The following WDR88 variants were observed in gnomAD, a reference collection of about 807,000 sequenced individuals.
The protein encoded by WDR88 is WD repeat-containing protein 88.
In WDR88, 40 loss-of-function variants were observed where a neutral mutation model predicts 46.8. The ratio of observed to expected loss-of-function variants is 0.86; its 90% confidence interval spans 0.66 to 1.11. The LOEUF (loss-of-function observed/expected upper bound fraction) is 1.11, where lower values mean the gene tolerates loss of function less well. Ranked by LOEUF, WDR88 falls within the 50% of genes most tolerant of loss-of-function variation. The pLI, the probability that WDR88 is intolerant of heterozygous loss-of-function variation, is 0.00. For synonymous variants in WDR88, 235 were observed against 240.7 expected (o/e 0.98, Z 0.22); for missense variants, 562 against 602.4 (o/e 0.93, Z 0.70).
intron 1 of WDR88, among the ~76,000 whole-genome samples, chr19:33,136,570 T>C (rs1417714174): frequency 6.6e-6 from 1 of 152,042 alleles, no homozygotes; most frequent in African/African-American, 2.4e-5. Flanking sequence ...ACTATTTTTA[T>C]TTTTTCTTTT....
Position 33,132,593 on chromosome 19 carries a change from C to G in WDR88, c.276+148C>G, listed in dbSNP as rs150979440. The G allele has an allele frequency of 1.3e-3, 1,729 of 1,290,752 alleles. 21 individuals are homozygous for G. The African/African-American group carries it at 0.022, about 16-fold the overall frequency. The allele number at this position is 1,290,752 out of a possible 1,614,324, so 80.0% of individuals were successfully genotyped here. A position where few individuals can be genotyped will look rare whatever the true frequency, so the allele number is the denominator to read the frequency against. On this transcript the variant is annotated intron_variant, in intron 1 of 10. Coordinates refer to ENST00000355868, the MANE Select transcript of WDR88 (RefSeq NM_173479.4). ...TAGGCCCATTTCCCCATCTGTGGTACATCTGTGGGCAAAGGTCAGACCCAC... is the reference window on the plus strand; with the variant it reads ...TAGGCCCATTTCCCCATCTGTGGTAGATCTGTGGGCAAAGGTCAGACCCAC...
At chr19:33,134,840 ACCC>A in intron 1 of WDR88, among the ~76,000 whole-genome samples, 1 of 62,438 alleles carries the variant, frequency 1.6e-5, no homozygotes, top group South Asian at 5.0e-4. Context: ...CGTCCCCGAC[ACCC>A]CCCCCCCCGC....
At chr19:33,157,639 ATGTG>A (rs530978497) in intron 7 of WDR88, among the ~76,000 whole-genome samples, 6,661 of 139,172 alleles carry the variant, frequency 0.048, 315 homozygotes, top group Middle Eastern at 0.085. Flanking sequence ...ATGTGTATAT[ATGTG>A]TGTGTGTATG....
intron 9 of WDR88, 73 bp downstream of exon 9, chr19:33,164,338 T>C: frequency 8.3e-6 from 12 of 1,450,984 alleles, no homozygotes; most frequent in Middle Eastern, 3.5e-4. Context: ...TATTGCCAAG[T>C]ATAAAATTCC....
At chr19:33,137,126 T>C (rs1313139752) in intron 1 of WDR88, among the ~76,000 whole-genome samples, 2 of 147,918 alleles carry the variant, frequency 1.4e-5, no homozygotes, top group African/African-American at 2.5e-5. Flanking sequence ...TTTTTTTTTT[T>C]CCAATTTTGT....
chr19:33,141,232 T>TTTG (rs1307560637), intron 2 of WDR88, among the ~76,000 whole-genome samples: 3 of 132,804 alleles, frequency 2.3e-5, no homozygotes, highest in African/African-American at 9.4e-5. Context: ...AGCATGTTTT[T>TTTG]TTTTTTTTCT....
Position 33,132,282 on chromosome 19 carries a change from T to C in WDR88, c.113T>C (p.Met38Thr). The C allele has an allele frequency of 6.2e-7, 1 of 1,613,660 alleles. No homozygotes were observed. The highest frequency in any genetic ancestry group is 8.5e-7 in the Non-Finnish European group (1 of 1,179,998). The change falls in exon 1 of 11, where the codon ATG (methionine) becomes ACG (threonine). Residue 38 changes from methionine (M) to threonine (T), a missense_variant. Transcript: ENST00000355868. The part of the protein sequence containing the change: ...YCPGKLSWGT[M>T]ARALGRFKLS... ...CCCGGCAAGCTGTCCTGGGGGACCA[T>C]GGCGAGGGCCTTAGGCCGCTTCAAG... is the stretch of plus-strand genomic sequence containing the variant.
intron 10 of WDR88, 146 bp downstream of exon 10, chr19:33,172,586 C>T (rs1054012622): frequency 4.4e-5 from 28 of 641,262 alleles, no homozygotes; most frequent in African/African-American, 4.2e-4. Context: ...AGCTTAAATT[C>T]TAAGAGAGGA....
intron 7 of WDR88, among the ~76,000 whole-genome samples, chr19:33,158,598 A>G (rs1263113682): frequency 6.6e-6 from 1 of 152,162 alleles, no homozygotes; most frequent in Non-Finnish European, 1.5e-5. Context: ...CAAAAAATCT[A>G]AGTCACCTCC....
chr19:33,156,227 G>T, intron 6 of WDR88, 128 bp from the exon 7 acceptor site: 1 of 879,736 alleles, frequency 1.1e-6, no homozygotes, highest in Non-Finnish European at 1.7e-6. Flanking sequence ...AGGTCCTCTT[G>T]GGGCGAAGTG....
intron 2 of WDR88, among the ~76,000 whole-genome samples, chr19:33,141,468 C>T (rs1007772972): frequency 1.3e-5 from 2 of 152,084 alleles, no homozygotes; most frequent in Non-Finnish European, 1.5e-5. Context: ...GGCCTCAAGC[C>T]GTCCTTCCTC....
chr19:33,155,581 TG>T (rs1178186277), intron 6 of WDR88, among the ~76,000 whole-genome samples: 1 of 150,930 alleles, frequency 6.6e-6, no homozygotes, highest in Non-Finnish European at 1.5e-5. Flanking sequence ...AAGAGAGGGG[TG>T]GAACAGGGGG....
chr19:33,144,345 G>A (rs1973465895), intron 2 of WDR88, among the ~76,000 whole-genome samples: 1 of 152,092 alleles, frequency 6.6e-6, no homozygotes, highest in Non-Finnish European at 1.5e-5. Flanking sequence ...GACTACAGGC[G>A]CGCGCCACCA....
At chr19:33,157,022 CCT>C (rs1339406264) in intron 7 of WDR88, among the ~76,000 whole-genome samples, 3 of 151,972 alleles carry the variant, frequency 2.0e-5, no homozygotes, top group Admixed American at 6.6e-5. Context: ...ACAGCAAGAC[CCT>C]GTCTCTACAA....
At chr19:33,162,652 A>G (rs1973888475) in intron 8 of WDR88, among the ~76,000 whole-genome samples, 1 of 152,148 alleles carries the variant, frequency 6.6e-6, no homozygotes, top group Admixed American at 6.6e-5. Context: ...AGAACAAAGA[A>G]TGCAAATGAA....
rs376629301 is a variant in WDR88 at position 33,160,540 on chromosome 19, C to T, written c.1080+44C>T. The T allele has an allele frequency of 1.2e-5, 20 of 1,600,532 alleles. No individual in the cohort carries two copies. The African/African-American group carries it at 1.9e-4, about 15-fold the overall frequency. On this transcript the variant is annotated intron_variant, in intron 8 of 10. Transcript: ENST00000355868. ...AGATTGAGGATCTGAACTTCCCTCC[C>T]GAGTCCTTCCTGTGCTCAATGCTGG...
intron 2 of WDR88, among the ~76,000 whole-genome samples, chr19:33,143,371 CAGTGAGT>C (rs1973442108): frequency 7.2e-6 from 1 of 138,344 alleles, no homozygotes; most frequent in African/African-American, 2.8e-5. Context: ...AGGCTGGTCA[CAGTGAGT>C]CACGCCTGTA....
chr19:33,160,514 G>A lies in WDR88; in HGVS notation c.1080+18G>A, dbSNP rs748134559. On this transcript the variant is annotated intron_variant, in intron 8 of 10. Transcript: ENST00000355868. ...CTTTGAAGGTACATGTGGCCAGCAT[G>A]AGATTGAGGATCTGAACTTCCCTCC... 5.6e-6 allele frequency: 9 copies of A among 1,613,578 alleles called. No individual in the cohort carries two copies. In the African/African-American group the frequency reaches 1.1e-4, roughly 19 times the overall value.
At chr19:33,170,653 G>C (rs1974023071) in intron 9 of WDR88, among the ~76,000 whole-genome samples, 2 of 152,054 alleles carry the variant, frequency 1.3e-5, no homozygotes, top group Non-Finnish European at 2.9e-5. Context: ...CTGAGCTCAG[G>C]AGTTTGAGAC....
Sources: allele counts gnomAD v4.1 joint callset (sites outside exome capture counted in the v4.1 genomes callset), GRCh38; gene constraint gnomAD v4.1.1; transcripts MANE v1.5; gene names NCBI Gene and HGNC (gene_info 2026-07-23, HGNC 2026-07-21).